Variants in COL6A3 observed in about 807,000 individuals in gnomAD.
The protein encoded by COL6A3 is collagen type VI alpha 3 chain, also known as collagen alpha-3(VI) chain.
In COL6A3, 137 loss-of-function variants were observed where a neutral mutation model predicts 274.1. That is an observed-to-expected ratio of 0.50 (90% CI 0.44 to 0.58). The LOEUF (loss-of-function observed/expected upper bound fraction) is 0.58, where lower values mean the gene tolerates loss of function less well. Ranked by LOEUF, COL6A3 falls within the 20% of genes least tolerant of loss-of-function variation. The pLI is 0.00. For missense variants in COL6A3, 3,950 were observed against 4,124.9 expected, an observed-to-expected ratio of 0.96 and a Z score of 1.16; for synonymous variants, 1,650 against 1,650.6, an observed-to-expected ratio of 1.00 and a Z score of 0.01.
At chr2:237,404,012 CAATT>C (rs1019381267) in intron 1 of COL6A3, among the ~76,000 whole-genome samples, 1 of 151,402 alleles carries the variant, frequency 6.6e-6, no homozygotes, top group Non-Finnish European at 1.5e-5. Flanking sequence ...TGTATGACCT[CAATT>C]AAATAATGAT....
At position 237,413,540 on chromosome 2, in the gene COL6A3, C is replaced by T. The variant is rs1268329800; in HGVS notation, c.-31+413G>A. Reference sequence around the variant, plus strand: ...ACCACCCAGAGAGCTCAGAGAACATCTCCCAGCGGAGCCGCCCGGCAGGGA... The same window carrying T: ...ACCACCCAGAGAGCTCAGAGAACATTTCCCAGCGGAGCCGCCCGGCAGGGA... On this transcript the variant is annotated intron_variant, in intron 1 of 43. Transcript: ENST00000295550. This position sits in a 1 kb window ranked among gnomAD's most constrained non-coding sequence, Gnocchi z 4.0. Among the ~76,000 whole-genome samples, 1 of 152,196 alleles carries T rather than the reference C, an allele frequency of 6.6e-6. No homozygotes were observed. The highest frequency in any genetic ancestry group is 1.5e-5 in the Non-Finnish European group (1 of 68,044).
At chr2:237,383,157 G>A (rs980331223) in intron 4 of COL6A3, among the ~76,000 whole-genome samples, 13 of 152,168 alleles carry the variant, frequency 8.5e-5, no homozygotes, top group African/African-American at 1.4e-4. Flanking sequence ...AGCTGGGAGC[G>A]TGATGCCTGG....
Position 237,371,879 on chromosome 2 carries a change from T to C in COL6A3, c.4138A>G (p.Lys1380Glu). ...ACATATTCGGGGCTCAGCGAGATCT[T>C]CACCAGCTCCTCCTGGTCTGCGTTC... is the stretch of plus-strand genomic sequence containing the variant. The part of the protein sequence containing the change: ...ARNADQEELV[K>E]ISLSPEYVFS... Residue 1380 changes from lysine to glutamate, a missense_variant, in exon 9 of 44, where the codon AAG (lysine) becomes GAG (glutamate). Coordinates refer to ENST00000295550, the MANE Select transcript of COL6A3 (RefSeq NM_004369.4). The surrounding 1 kb of genome is among the most constrained non-coding windows in gnomAD (Gnocchi z 4.3). 6.3e-7 allele frequency: 1 copy of C among 1,597,046 alleles called. No homozygotes were observed. The highest frequency in any genetic ancestry group is 8.5e-7 in the Non-Finnish European group (1 of 1,172,486).
At chr2:237,404,613 C>T (rs536342177) in intron 1 of COL6A3, among the ~76,000 whole-genome samples, 59 of 152,264 alleles carry the variant, frequency 3.9e-4, no homozygotes, top group African/African-American at 1.3e-3. Flanking sequence ...CTGCAGACAC[C>T]TGTGCAGGGA....
chr2:237,358,568 G>C lies in COL6A3; in HGVS notation c.6424C>G (p.Arg2142Gly), dbSNP rs530866854. ...TCTCCTCTTTCTCCTTTCTCTCCTCGAGGTCCTTTATCACCCTAAAGAAAA... is the reference window on the plus strand; with the variant it reads ...TCTCCTCTTTCTCCTTTCTCTCCTCCAGGTCCTTTATCACCCTAAAGAAAA... ...NPGRRGDKGP[R>G]GEKGERGDVG... Residue 2142 changes from arginine (R) to glycine (G), a missense_variant, in exon 21 of 44, where the codon CGA (arginine) becomes GGA (glycine). Transcript: ENST00000295550. 10 of 1,613,498 alleles carry C rather than the reference G, an allele frequency of 6.2e-6. No homozygotes were observed. Among genetic ancestry groups the C allele is most frequent in the Non-Finnish European group, 6.8e-6 (8 of 1,179,866 alleles).
chr2:237,340,605 C>A lies in COL6A3; in HGVS notation c.8311G>T (p.Val2771Phe). 6.2e-7 allele frequency: 1 copy of A among 1,614,242 alleles called. No homozygotes were observed. Among genetic ancestry groups the A allele is most frequent in the Non-Finnish European group, 8.5e-7 (1 of 1,180,050 alleles). The change falls in exon 38 of 44, where the codon GTC becomes TTC. Residue 2771 changes from valine to phenylalanine, a missense_variant. Val to Phe is a conservative substitution (Grantham distance 50). Transcript: ENST00000295550. Reference protein sequence around the residue: ...QAKCKGYFFVVLGIGRKVNIK... With the variant: ...QAKCKGYFFVFLGIGRKVNIK... ...TTCACCTTCCTGCCAATGCCCAGGA[C>A]CACGAAGAAGTAGCCCTTGCATTTG...
chr2:237,369,330 G>A (rs751488563), intron 9 of COL6A3, among the ~76,000 whole-genome samples, 153 bp from the exon 10 acceptor site: 34 of 152,154 alleles, frequency 2.2e-4, no homozygotes, highest in African/African-American at 4.3e-4. Context: ...GAAATTAGCC[G>A]TTAAAAATTG....
At chr2:237,336,762 A>T (rs532154060) in intron 39 of COL6A3, among the ~76,000 whole-genome samples, 1 of 152,354 alleles carries the variant, frequency 6.6e-6, no homozygotes, top group African/African-American at 2.4e-5. Flanking sequence ...AATGAAGCTT[A>T]TATTGTTCTA....
At chr2:237,396,623 C>A in intron 2 of COL6A3, 104 bp downstream of exon 2, 1 of 1,186,432 alleles carries the variant, frequency 8.4e-7, no homozygotes, top group East Asian at 2.3e-5. Context: ...GGCTTAGCTA[C>A]CTTAAGAACA....
chr2:237,406,458 T>A (rs1465617775), intron 1 of COL6A3, among the ~76,000 whole-genome samples: 1 of 152,122 alleles, frequency 6.6e-6, no homozygotes, highest in Non-Finnish European at 1.5e-5. Flanking sequence ...TTCCTAATTG[T>A]CCTGTTTAAA....
intron 3 of COL6A3, among the ~76,000 whole-genome samples, chr2:237,394,286 G>A (rs1483831733): frequency 6.6e-6 from 1 of 152,174 alleles, no homozygotes; most frequent in Non-Finnish European, 1.5e-5. Context: ...CCACTCTGAG[G>A]CTTTCTTTTC....
chr2:237,359,529 C>T (rs2106341631), intron 17 of COL6A3, 141 bp from the exon 18 acceptor site: 2 of 901,472 alleles, frequency 2.2e-6, no homozygotes. Context: ...AGTCCTACCC[C>T]TTTGGATTCC....
Position 237,359,267 on chromosome 2 carries a change from C to A in COL6A3, c.6310-17G>T. On this transcript the variant is annotated splice_polypyrimidine_tract_variant and intron_variant, in intron 18 of 43. Transcript: ENST00000295550. ...TACTTCGCCCTAAGAGGGAATAAGG[C>A]GGACAGGTAAGTATAGAAAGCTATT... 6.2e-7 allele frequency: 1 copy of A among 1,614,138 alleles called. No homozygotes were observed. The highest frequency in any genetic ancestry group is 8.5e-7 in the Non-Finnish European group (1 of 1,179,984).
At chr2:237,338,100 GCAAGTCCTTCCAT>G (rs1446115976) in intron 39 of COL6A3, among the ~76,000 whole-genome samples, 10 of 152,112 alleles carry the variant, frequency 6.6e-5, no homozygotes, top group Admixed American at 3.9e-4. Flanking sequence ...ATGTAATGTG[GCAAGTCCTTCCAT>G]CAAGCCTAGT....
In COL6A3 at chr2:237,374,523, T is replaced by C. The variant is rs763338283; in HGVS notation, c.3568A>G (p.Thr1190Ala). Residue 1190 changes from threonine to alanine, a missense_variant, in exon 8 of 44, where the codon ACC (threonine) becomes GCC (alanine). This residue lies in a region of COL6A3 where 1,934 missense variants were observed against 1,984.3 expected (regional missense o/e 0.97). Coordinates refer to ENST00000295550, the MANE Select transcript of COL6A3 (RefSeq NM_004369.4). This position sits in a 1 kb window ranked among gnomAD's most constrained non-coding sequence, Gnocchi z 4.8. The part of the protein sequence containing the change: ...FIPDFAVAIP[T>A]FRQLGTVQQV... Reference sequence around the variant, plus strand: ...TGGACGGTCCCCAGCTGGCGAAAGGTGGGAATGGCCACGGCAAAGTCCGGG... The same window carrying C: ...TGGACGGTCCCCAGCTGGCGAAAGGCGGGAATGGCCACGGCAAAGTCCGGG... The C allele has an allele frequency of 1.2e-6, 2 of 1,614,042 alleles. No homozygotes were observed. The highest frequency in any genetic ancestry group is 1.7e-6 in the Non-Finnish European group (2 of 1,179,994).
intron 31 of COL6A3, among the ~76,000 whole-genome samples, chr2:237,346,935 C>T (rs1001217147): frequency 2.0e-5 from 3 of 151,148 alleles, no homozygotes; most frequent in Non-Finnish European, 4.4e-5. Flanking sequence ...TTTTAAAGCT[C>T]TTTGGGATAT....
chr2:237,373,556 C>A (rs751780035), intron 8 of COL6A3, among the ~76,000 whole-genome samples: 1 of 152,196 alleles, frequency 6.6e-6, no homozygotes, highest in African/African-American at 2.4e-5. Flanking sequence ...TCATCACCCA[C>A]TGTATCCTGC....
intron 1 of COL6A3, among the ~76,000 whole-genome samples, chr2:237,403,060 C>T (rs2078631909): frequency 6.6e-6 from 1 of 152,134 alleles, no homozygotes; most frequent in Non-Finnish European, 1.5e-5. Context: ...CCAGATGGAC[C>T]ACTTAGCAAA....
At chr2:237,348,453 G>C in intron 29 of COL6A3, 69 bp from the exon 30 acceptor site, 2 of 1,424,542 alleles carry the variant, frequency 1.4e-6, no homozygotes. Context: ...AATTGACCTT[G>C]AAAGAAAGAA....
Sources: gnomAD v4.1 joint callset for allele counts (sites outside exome capture counted in the v4.1 genomes callset) on GRCh38, gnomAD v4.1.1 for gene constraint, gnomAD v4.1.1 regional missense constraint, Gnocchi (gnomAD v3.1) non-coding constraint, MANE v1.5 for transcripts, NCBI Gene and HGNC (gene_info 2026-07-23, HGNC 2026-07-21) for gene names.